The following GPC6 variants were observed in gnomAD, a reference collection of about 807,000 sequenced individuals.
The protein encoded by GPC6 is glypican 6.
In GPC6, 14 loss-of-function variants were observed where a neutral mutation model predicts 55.2. The observed-to-expected ratio is 0.25, with a 90% CI of 0.17 to 0.40. GPC6 has a LOEUF of 0.40. Among genes scored for constraint, GPC6 ranks in the 10% least tolerant of loss-of-function variants. The pLI is 1.00. For synonymous variants in GPC6, 278 were observed against 259.6 expected (o/e 1.07, Z -0.68); for missense variants, 641 against 708.5 (o/e 0.90, Z 1.08).
At chr13:94,123,437 A>G (rs897564597) in intron 4 of GPC6, among the ~76,000 whole-genome samples, 40 of 152,144 alleles carry the variant, frequency 2.6e-4, no homozygotes, top group African/African-American at 9.4e-4. Context: ...TATATCAAAC[A>G]TATATACTTA....
chr13:93,642,074 T>C (rs1879972190), intron 2 of GPC6, among the ~76,000 whole-genome samples: 1 of 151,884 alleles, frequency 6.6e-6, no homozygotes, highest in Non-Finnish European at 1.5e-5. Flanking sequence ...GATATTGAGG[T>C]TTGGGGTGTG....
chr13:94,288,952 T>TATTTGTTATATATATAACAA (rs1874784039), intron 5 of GPC6, among the ~76,000 whole-genome samples: 1 of 30,514 alleles, frequency 3.3e-5, no homozygotes, highest in Non-Finnish European at 7.3e-5. Flanking sequence ...GATAGATAGA[T>TATTTGTTATATATATAACAA]ATATAGATAG....
chr13:93,679,226 G>C (rs1246929958), intron 2 of GPC6, among the ~76,000 whole-genome samples: 1 of 152,232 alleles, frequency 6.6e-6, no homozygotes, highest in Non-Finnish European at 1.5e-5. Flanking sequence ...ACAGCCAAGA[G>C]AAAATGCCCT....
At chr13:93,532,719 G>C (rs1881915994) in intron 1 of GPC6, among the ~76,000 whole-genome samples, 1 of 152,120 alleles carries the variant, frequency 6.6e-6, no homozygotes, top group Non-Finnish European at 1.5e-5. Flanking sequence ...CTCTGAAACA[G>C]GAAAGTCAAC....
chr13:93,347,413 G>C (rs916030549), intron 1 of GPC6, among the ~76,000 whole-genome samples: 76 of 152,082 alleles, frequency 5.0e-4, no homozygotes, highest in African/African-American at 1.8e-3. Context: ...GAAATGCATA[G>C]CCCTATCATA....
intron 6 of GPC6, among the ~76,000 whole-genome samples, chr13:94,378,289 T>A (rs1326157192): frequency 6.6e-6 from 1 of 152,194 alleles, no homozygotes; most frequent in African/African-American, 2.4e-5. Flanking sequence ...TGCCAGTATT[T>A]CCTGTAAACT....
intron 1 of GPC6, among the ~76,000 whole-genome samples, chr13:93,428,963 A>T (rs1041041573): frequency 1.3e-5 from 2 of 152,122 alleles, no homozygotes; most frequent in Non-Finnish European, 2.9e-5. Context: ...CACCAGAACT[A>T]GTCTTTATGT....
At chr13:93,393,119 TATATATATAGAGAGAG>T (rs1411010577) in intron 1 of GPC6, among the ~76,000 whole-genome samples, 3 of 77,804 alleles carry the variant, frequency 3.9e-5, no homozygotes, top group African/African-American at 1.1e-4. Flanking sequence ...TATATATATA[TATATATATAGAGAGAG>T]AGAGAGAGAG....
At chr13:93,481,036 G>A (rs1163461262) in intron 1 of GPC6, among the ~76,000 whole-genome samples, 1 of 152,118 alleles carries the variant, frequency 6.6e-6, no homozygotes, top group Non-Finnish European at 1.5e-5. Context: ...TGAAGCATCT[G>A]TGGCATTTTT....
intron 4 of GPC6, among the ~76,000 whole-genome samples, chr13:94,263,334 C>G (rs1891705857): frequency 6.6e-6 from 1 of 152,220 alleles, no homozygotes; most frequent in South Asian, 2.1e-4. Context: ...TTGTTTAACA[C>G]CTGCTACGCA....
At chr13:93,431,464 T>C (rs547879700) in intron 1 of GPC6, among the ~76,000 whole-genome samples, 1 of 152,290 alleles carries the variant, frequency 6.6e-6, no homozygotes, top group East Asian at 1.9e-4. Flanking sequence ...AATTCTTTAA[T>C]ATTGAAGATA....
chr13:94,064,772 T>G (rs960316019), intron 4 of GPC6, among the ~76,000 whole-genome samples: 2 of 152,162 alleles, frequency 1.3e-5, no homozygotes, highest in African/African-American at 4.8e-5. Context: ...AAGATTTATC[T>G]TCTCTTGCCT....
At chr13:94,286,699 A>ATAATTTCTGGCAGCCC (rs1363343720) in intron 5 of GPC6, among the ~76,000 whole-genome samples, 7 of 152,222 alleles carry the variant, frequency 4.6e-5, no homozygotes, top group African/African-American at 1.7e-4. Flanking sequence ...CTCAATCACG[A>ATAATTTCTGGCAGCCC]AGAAATTATG....
intron 1 of GPC6, among the ~76,000 whole-genome samples, chr13:93,330,984 T>C (rs999548250): frequency 2.0e-5 from 3 of 152,162 alleles, no homozygotes; most frequent in Non-Finnish European, 2.9e-5. Context: ...GAAGTAATCA[T>C]GTTTGCTTAA....
intron 2 of GPC6, among the ~76,000 whole-genome samples, chr13:93,692,495 A>G (rs1456176365): frequency 6.6e-6 from 1 of 152,088 alleles, no homozygotes; most frequent in Non-Finnish European, 1.5e-5. Context: ...AGTCTCTTAT[A>G]TTTGATAAAT....
intron 2 of GPC6, among the ~76,000 whole-genome samples, chr13:93,720,465 C>T (rs1373143589): frequency 6.6e-6 from 1 of 151,886 alleles, no homozygotes; most frequent in Non-Finnish European, 1.5e-5. Flanking sequence ...CTCTTTTCTT[C>T]TTTTTGGTCT....
chr13:93,649,215 C>T (rs1349902419), intron 2 of GPC6, among the ~76,000 whole-genome samples: 2 of 152,108 alleles, frequency 1.3e-5, no homozygotes, highest in Non-Finnish European at 2.9e-5. Context: ...CTTTGGGAGG[C>T]TGAGGTGGTC....
chr13:93,497,993 C>G (rs9561376), intron 1 of GPC6, among the ~76,000 whole-genome samples: 6,083 of 152,238 alleles, frequency 0.04, 421 homozygotes, highest in East Asian at 0.28. Flanking sequence ...CTTTGTAGTA[C>G]TGGTTAGAAA....
At chr13:93,363,587 A>G (rs911305718) in intron 1 of GPC6, among the ~76,000 whole-genome samples, 5 of 152,026 alleles carry the variant, frequency 3.3e-5, no homozygotes, top group African/African-American at 1.2e-4. Context: ...TAATGCCGCA[A>G]TAAACATACG....
Sources: allele counts gnomAD v4.1 joint callset (sites outside exome capture counted in the v4.1 genomes callset), GRCh38; gene constraint gnomAD v4.1.1; transcripts MANE v1.5; gene names NCBI Gene and HGNC (gene_info 2026-07-23, HGNC 2026-07-21).